The following C3orf20 variants were observed in gnomAD, a reference collection of about 807,000 sequenced individuals.
C3orf20 encodes the protein uncharacterized protein C3orf20.
In C3orf20, 76 loss-of-function variants were observed where a neutral mutation model predicts 88.3. The observed-to-expected ratio is 0.86, with a 90% CI of 0.72 to 1.04. The LOEUF is 1.04. Among genes scored for constraint, C3orf20 ranks in the 50% least tolerant of loss-of-function variants. The pLI is 0.00. For synonymous variants in C3orf20, 436 were observed against 437.4 expected, an observed-to-expected ratio of 1.00 and a Z score of 0.04; for missense variants, 1,056 against 1,123.3, an observed-to-expected ratio of 0.94 and a Z score of 0.86.
chr3:14,730,159 T>C (rs1271460288), intron 12 of C3orf20, among the ~76,000 whole-genome samples: 1 of 152,214 alleles, frequency 6.6e-6, no homozygotes, highest in Non-Finnish European at 1.5e-5. Flanking sequence ...TGTGTCTTCT[T>C]TGGTGTCTGG....
At chr3:14,716,410 G>A (rs1227478001) in intron 9 of C3orf20, among the ~76,000 whole-genome samples, 3 of 152,164 alleles carry the variant, frequency 2.0e-5, no homozygotes, top group Non-Finnish European at 4.4e-5. Flanking sequence ...GAGGGTTGTG[G>A]ACACAAGCAC....
rs1007327511 is a variant in C3orf20, at chr3:14,754,759, C to G, written c.1941-2612C>G. Among the ~76,000 whole-genome samples the G allele has an allele frequency of 2.0e-5, 3 of 152,078 alleles. No individual in the cohort carries two copies. The East Asian group carries it at 5.8e-4, about 29-fold the overall frequency. ...TTTATTTTAGAGACAGGGTCTTGCT[C>G]TGTCTGCCAGGCTGGAGTGCATTGG... is the stretch of plus-strand genomic sequence containing the variant. On this transcript the variant is annotated intron_variant, in intron 12 of 16. Coordinates refer to ENST00000253697, the MANE Select transcript of C3orf20 (RefSeq NM_032137.5).
chr3:14,751,676 A>G (rs1217913877), intron 12 of C3orf20, among the ~76,000 whole-genome samples: 2 of 152,328 alleles, frequency 1.3e-5, no homozygotes, highest in African/African-American at 2.4e-5. Context: ...AAGCATTCCT[A>G]TACACCAAGA....
At chr3:14,702,440 C>CTT (rs34341509) in intron 5 of C3orf20, among the ~76,000 whole-genome samples, 4,702 of 116,510 alleles carry the variant, frequency 0.04, 139 homozygotes, top group African/African-American at 0.086. Context: ...CCTCACATAT[C>CTT]TTTTTTTTTT....
In C3orf20 at chr3:14,772,992, C is replaced by G; in HGVS notation, c.*117C>G. The G allele has an allele frequency of 1.3e-6, 1 of 749,854 alleles. No individual in the cohort carries two copies. Among genetic ancestry groups the G allele is most frequent in the South Asian group, 1.6e-5 (1 of 63,696 alleles). 46.5% of individuals were successfully genotyped at this position (749,854 alleles called of 1,614,324 possible). A position where few individuals can be genotyped will look rare whatever the true frequency, so the allele number is the denominator to read the frequency against. ...CTGTCCTCCAAGCTTCTATAATAAA[C>G]CAGCGGGCCTCCAGCATTGGGGTGA... is the stretch of plus-strand genomic sequence containing the variant. On this transcript the variant is annotated 3_prime_UTR_variant, in exon 17 of 17. Coordinates refer to ENST00000253697, the MANE Select transcript of C3orf20 (RefSeq NM_032137.5). This position sits in a 1 kb window ranked among gnomAD's most constrained non-coding sequence, Gnocchi z 4.2.
intron 10 of C3orf20, among the ~76,000 whole-genome samples, chr3:14,722,948 A>G (rs2034218984): frequency 6.6e-6 from 1 of 152,214 alleles, no homozygotes; most frequent in Admixed American, 6.5e-5. Context: ...GGGTAACCAA[A>G]GCTCAGGTGG....
intron 9 of C3orf20, among the ~76,000 whole-genome samples, chr3:14,718,629 A>G (rs2034028933): frequency 6.6e-6 from 1 of 152,214 alleles, no homozygotes; most frequent in South Asian, 2.1e-4. Flanking sequence ...GTAGGTGGAC[A>G]TTGTGAATGT....
chr3:14,756,270 G>A (rs559256266), intron 12 of C3orf20, among the ~76,000 whole-genome samples: 3 of 151,796 alleles, frequency 2.0e-5, no homozygotes, highest in Admixed American at 6.6e-5. Context: ...GCTTATTCCC[G>A]TGTAAATACC....
At chr3:14,694,893 C>G (rs2032922564) in intron 5 of C3orf20, among the ~76,000 whole-genome samples, 1 of 152,040 alleles carries the variant, frequency 6.6e-6, no homozygotes, top group Non-Finnish European at 1.5e-5. Flanking sequence ...CGAGTTCAAG[C>G]AATTCTCCTG....
intron 9 of C3orf20, among the ~76,000 whole-genome samples, chr3:14,715,875 A>G (rs2033921946): frequency 6.6e-6 from 1 of 152,180 alleles, no homozygotes; most frequent in Admixed American, 6.5e-5. Flanking sequence ...ACTGATAGAT[A>G]GAAACTCTTT....
chr3:14,739,154 G>T (rs1253367536), intron 12 of C3orf20, among the ~76,000 whole-genome samples: 1 of 152,056 alleles, frequency 6.6e-6, no homozygotes, highest in African/African-American at 2.4e-5. Context: ...AATTTACTTT[G>T]CCCAGATCCA....
intron 6 of C3orf20, among the ~76,000 whole-genome samples, chr3:14,703,502 G>T (rs1270217276): frequency 6.6e-6 from 1 of 152,214 alleles, no homozygotes; most frequent in Non-Finnish European, 1.5e-5. Context: ...CTGCAACCAT[G>T]CAAGGAAGAC....
At chr3:14,713,954 G>A in intron 7 of C3orf20, 53 bp from the exon 8 acceptor site, 1 of 1,603,756 alleles carries the variant, frequency 6.2e-7, no homozygotes, top group African/African-American at 1.3e-5. Flanking sequence ...TGGGACAACT[G>A]AGAGCAGAAC....
At chr3:14,712,819 T>A (rs531877549) in intron 7 of C3orf20, among the ~76,000 whole-genome samples, 2 of 152,284 alleles carry the variant, frequency 1.3e-5, no homozygotes, top group East Asian at 3.9e-4. Context: ...CCTTCAGCAT[T>A]TTTTTGCAGG....
In C3orf20 at chr3:14,772,286, C is replaced by T; in HGVS notation, c.2630+85C>T. 6.4e-7 allele frequency: 1 copy of T among 1,555,810 alleles called. No homozygotes were observed. Among genetic ancestry groups the T allele is most frequent in the Non-Finnish European group, 8.8e-7 (1 of 1,133,976 alleles). The stretch of plus-strand genomic sequence containing the variant: ...ATTTGGCCTTGGGCAAGTCACTACC[C>T]CCAGGCGTGGCCTGGGTCATGTCCA... On this transcript the variant is annotated intron_variant, in intron 16 of 16. Coordinates refer to ENST00000253697, the MANE Select transcript of C3orf20 (RefSeq NM_032137.5). This position sits in a 1 kb window ranked among gnomAD's most constrained non-coding sequence, Gnocchi z 4.2.
intron 14 of C3orf20, among the ~76,000 whole-genome samples, chr3:14,760,317 A>G (rs1303393601): frequency 6.6e-6 from 1 of 152,196 alleles, no homozygotes; most frequent in Non-Finnish European, 1.5e-5. Context: ...AAAACAGTGT[A>G]CTGTAAATAC....
intron 12 of C3orf20, among the ~76,000 whole-genome samples, chr3:14,742,796 G>A (rs543866398): frequency 1.1e-3 from 171 of 152,260 alleles, no homozygotes; most frequent in Non-Finnish European, 1.6e-3. Context: ...TGTGGTGGTG[G>A]CAAGAGAAAA....
chr3:14,758,677 G>A (rs2035463450), intron 13 of C3orf20, among the ~76,000 whole-genome samples: 1 of 152,160 alleles, frequency 6.6e-6, no homozygotes, highest in African/African-American at 2.4e-5. Flanking sequence ...ACCAGGGGTA[G>A]GGGTTCTGCA....
At chr3:14,738,791 C>T (rs2034809357) in intron 12 of C3orf20, among the ~76,000 whole-genome samples, 2 of 150,570 alleles carry the variant, frequency 1.3e-5, no homozygotes, top group Admixed American at 6.6e-5. Context: ...CAGGCATGCA[C>T]CACCATGCCT....
Sources: allele counts gnomAD v4.1 joint callset (sites outside exome capture counted in the v4.1 genomes callset), GRCh38; gene constraint gnomAD v4.1.1; non-coding constraint Gnocchi (gnomAD v3.1); transcripts MANE v1.5; gene names NCBI Gene and HGNC (gene_info 2026-07-23, HGNC 2026-07-21).